The following COG5 variants were observed in gnomAD, a reference collection of about 807,000 sequenced individuals.
The protein encoded by COG5 is conserved oligomeric Golgi complex subunit 5.
A neutral mutation model predicts 110.4 loss-of-function variants in COG5; 86 were observed. That is an observed-to-expected ratio of 0.78 (90% confidence interval 0.65 to 0.93). COG5 has a LOEUF of 0.93. COG5 is among the 40% of genes least tolerant of loss of function. The probability of loss-of-function intolerance (pLI) is 0.00; values close to 1 mark genes in which losing one functional copy is unlikely to be tolerated. For missense variants in COG5, 1,077 were observed against 987.0 expected, an observed-to-expected ratio of 1.09 and a Z score of -1.22; for synonymous variants, 360 against 334.6, an observed-to-expected ratio of 1.08 and a Z score of -0.83.
chr7:107,532,518 T>C (rs1256342869), intron 5 of COG5, among the ~76,000 whole-genome samples: 1 of 152,162 alleles, frequency 6.6e-6, no homozygotes. Context: ...AACATACATA[T>C]ACATATGCAC....
At chr7:107,505,638 G>A (rs1192058931) in intron 6 of COG5, among the ~76,000 whole-genome samples, 2 of 152,218 alleles carry the variant, frequency 1.3e-5, no homozygotes, top group East Asian at 3.9e-4. Context: ...CTGCCTGACT[G>A]TTGGGGCAGA....
At chr7:107,475,293 CA>C in intron 6 of COG5, 13 of 1,590,230 alleles carry the variant, frequency 8.2e-6, no homozygotes, top group South Asian at 1.2e-5. Flanking sequence ...CTAAAAGAAA[CA>C]AAAAAATTAC....
chr7:107,494,086 A>C (rs1312488719), intron 6 of COG5, among the ~76,000 whole-genome samples: 2 of 152,122 alleles, frequency 1.3e-5, no homozygotes, highest in African/African-American at 4.8e-5. Context: ...GGGAGTACAG[A>C]AATTTTATAT....
chr7:107,442,075 T>G (rs959707597), intron 6 of COG5, among the ~76,000 whole-genome samples: 1 of 152,214 alleles, frequency 6.6e-6, no homozygotes, highest in Non-Finnish European at 1.5e-5. Context: ...AAATCTCATA[T>G]TGAATTGTCA....
At chr7:107,284,585 AC>A (rs1306634573) in intron 12 of COG5, among the ~76,000 whole-genome samples, 1 of 152,230 alleles carries the variant, frequency 6.6e-6, no homozygotes, top group Non-Finnish European at 1.5e-5. Flanking sequence ...TCCTAAAATC[AC>A]GTAAATACTC....
chr7:107,434,718 C>T (rs1794247644), intron 6 of COG5, among the ~76,000 whole-genome samples: 1 of 152,168 alleles, frequency 6.6e-6, no homozygotes, highest in Admixed American at 6.5e-5. Flanking sequence ...CGCCTGTAAT[C>T]CCAGCACTTT....
intron 7 of COG5, among the ~76,000 whole-genome samples, chr7:107,407,617 CTTT>C (rs1212163892): frequency 1.6e-5 from 2 of 128,726 alleles, no homozygotes; most frequent in African/African-American, 5.6e-5. Context: ...TAAGCATCTT[CTTT>C]TTTTTTTTTT....
chr7:107,285,100 A>C (rs1805514226), intron 12 of COG5, among the ~76,000 whole-genome samples: 1 of 152,204 alleles, frequency 6.6e-6, no homozygotes, highest in South Asian at 2.1e-4. Context: ...TTTACTGAGA[A>C]TACTACGCAC....
chr7:107,333,545 A>G (rs923905991), intron 10 of COG5, among the ~76,000 whole-genome samples: 2 of 152,194 alleles, frequency 1.3e-5, no homozygotes, highest in Non-Finnish European at 2.9e-5. Context: ...ATAAAATAAG[A>G]GCTTAGATTA....
intron 19 of COG5, among the ~76,000 whole-genome samples, chr7:107,214,732 G>C (rs1199226387): frequency 2.0e-5 from 3 of 152,066 alleles, no homozygotes; most frequent in African/African-American, 4.8e-5. Flanking sequence ...GACCAGCCTG[G>C]TCAACATGGC....
chr7:107,425,337 T>C (rs1793571429), intron 6 of COG5, among the ~76,000 whole-genome samples: 1 of 144,854 alleles, frequency 6.9e-6, no homozygotes, highest in Non-Finnish European at 1.5e-5. Flanking sequence ...GGTGAGACTC[T>C]GTCTCCAAAA....
Position 107,258,765 on chromosome 7 carries a change from T to C in COG5, c.1576-382A>G, listed in dbSNP as rs1584584320. 4.1e-5 allele frequency: 7 copies of C among 171,540 alleles called. 1 individual carries two copies. The Admixed American group carries it at 4.2e-4, about 10-fold the overall frequency. The allele number at this position is 171,540 out of a possible 1,614,324, so 10.6% of individuals were successfully genotyped here. ...GGAATACCTTCCGGCAACTGCCAGT[T>C]GGGCTCTTTCTATTCAAATGCTCAG... On this transcript the variant is annotated intron_variant, in intron 14 of 21. Transcript: ENST00000297135.
At chr7:107,412,279 T>C (rs979578848) in intron 7 of COG5, among the ~76,000 whole-genome samples, 12 of 152,114 alleles carry the variant, frequency 7.9e-5, no homozygotes, top group African/African-American at 2.7e-4. Context: ...TCATGTTATA[T>C]ACATTATACA....
At chr7:107,271,669 A>T (rs1804284923) in intron 14 of COG5, among the ~76,000 whole-genome samples, 2 of 152,144 alleles carry the variant, frequency 1.3e-5, no homozygotes, top group Non-Finnish European at 2.9e-5. Flanking sequence ...TTTTACTAAA[A>T]ATCATAATTC....
intron 6 of COG5, among the ~76,000 whole-genome samples, chr7:107,520,821 G>T (rs187945479): frequency 3.3e-5 from 5 of 152,202 alleles, no homozygotes; most frequent in Non-Finnish European, 5.9e-5. Context: ...AACCAAAAAA[G>T]AGCTCATATA....
chr7:107,462,602 A>G (rs1796063694), intron 6 of COG5, among the ~76,000 whole-genome samples: 1 of 130,542 alleles, frequency 7.7e-6, no homozygotes, highest in Non-Finnish European at 1.6e-5. Flanking sequence ...CTAGGAGAAG[A>G]AAAATGCCTA....
chr7:107,461,296 T>C lies in COG5; in HGVS notation c.539-48664A>G, dbSNP rs1343513966. On this transcript the variant is annotated intron_variant, in intron 6 of 21. Transcript: ENST00000297135. The stretch of plus-strand genomic sequence containing the variant: ...GTTGGCTTAACATTAAAAAAACAAA[T>C]CCATGTAATTTATCATGTTACTAGA... Among the ~76,000 whole-genome samples, 3 of 151,960 alleles carry C rather than the reference T, an allele frequency of 2.0e-5. No homozygotes were observed. In the East Asian group the frequency reaches 5.8e-4, roughly 29 times the overall value.
At chr7:107,249,357 T>C (rs747415823) in intron 16 of COG5, among the ~76,000 whole-genome samples, 7 of 152,052 alleles carry the variant, frequency 4.6e-5, no homozygotes, top group Non-Finnish European at 8.8e-5. Flanking sequence ...ACAGCCCCTA[T>C]AACAAAGAAT....
chr7:107,526,147 G>T (rs1362068508), intron 6 of COG5, among the ~76,000 whole-genome samples: 1 of 152,058 alleles, frequency 6.6e-6, no homozygotes, highest in Non-Finnish European at 1.5e-5. Flanking sequence ...TACTATTTTG[G>T]CATAACTGCT....
Sources: gnomAD v4.1 joint callset for allele counts (sites outside exome capture counted in the v4.1 genomes callset) on GRCh38, gnomAD v4.1.1 for gene constraint, MANE v1.5 for transcripts, NCBI Gene and HGNC (gene_info 2026-07-23, HGNC 2026-07-21) for gene names.